Variants in SHISAL2A observed in about 807,000 individuals in gnomAD.
The protein encoded by SHISAL2A is protein shisa-like-2A.
A neutral mutation model predicts 11.5 loss-of-function variants in SHISAL2A; 18 were observed. The observed-to-expected ratio is 1.57, with a 90% CI of 1.08 to 2.33. The LOEUF (loss-of-function observed/expected upper bound fraction) is 2.33. SHISAL2A is among the 30% of genes most tolerant of loss of function. The probability of loss-of-function intolerance (pLI) is 0.00; values close to 1 mark genes in which losing one functional copy is unlikely to be tolerated. For synonymous variants in SHISAL2A, 94 were observed against 99.6 expected (o/e 0.94, Z 0.34); for missense variants, 261 against 250.9 (o/e 1.04, Z -0.27).
At chr1:52,646,529 A>ACACACACACAC (rs575189993) in intron 2 of SHISAL2A, among the ~76,000 whole-genome samples, 1 of 146,394 alleles carries the variant, frequency 6.8e-6, no homozygotes, top group Non-Finnish European at 1.5e-5. Flanking sequence ...ACACACACAC[A>ACACACACACAC]ATTAGTCCTC....
chr1:52,642,950 C>A lies in SHISAL2A; in HGVS notation c.270C>A (p.Ile90=), dbSNP rs961642705. The A allele has an allele frequency of 2.5e-6, 4 of 1,614,060 alleles. No homozygotes were observed. The highest frequency in any genetic ancestry group is 3.3e-5 in the Admixed American group (2 of 60,000). The change falls in exon 2 of 3, where the codon ATC becomes ATA. Residue 90 remains isoleucine (I), a synonymous_variant. Transcript: ENST00000517870. The stretch of plus-strand genomic sequence containing the variant: ...CCTGTGTGCTCTGCTACCTGTTCAT[C>A]AGCTCTAAGCCCCACACAAAGTTGG... ...VTACVLCYLF[I]SSKPHTKLDL...
At chr1:52,635,602 A>T (rs1212085843) in intron 1 of SHISAL2A, among the ~76,000 whole-genome samples, 1 of 152,088 alleles carries the variant, frequency 6.6e-6, no homozygotes, top group African/African-American at 2.4e-5. Context: ...GGTCTGAAAG[A>T]TACCTCAAAC....
downstream of SHISAL2A, among the ~76,000 whole-genome samples, chr1:52,660,047 T>C (rs1031828796): frequency 2.6e-5 from 4 of 152,184 alleles, no homozygotes; most frequent in Non-Finnish European, 4.4e-5. Context: ...AGTGTCTGAC[T>C]CAGTAGGTCA....
chr1:52,665,553 A>G (rs566436144), intron 4 of SHISAL2A, among the ~76,000 whole-genome samples: 12 of 152,128 alleles, frequency 7.9e-5, no homozygotes, highest in Non-Finnish European at 1.3e-4. Context: ...GCCTCATTGT[A>G]TGCATTATCC....
In SHISAL2A at chr1:52,645,396, C is replaced by CGTTTTGTTTTGTTTTGTTTT. The variant is rs56655042; in HGVS notation, c.322+2404_322+2423dup. ...AGACCAGAGACAACTGAGGCTTCAA[C>CGTTTTGTTTTGTTTTGTTTT]GTTTTGTTTTGTTTTGTTTTGTTTT... On this transcript the variant is annotated intron_variant, in intron 2 of 2. Coordinates refer to ENST00000517870, the MANE Select transcript of SHISAL2A (RefSeq NM_001042693.3). Among the ~76,000 whole-genome samples, 1,298 of 150,282 alleles carry CGTTTTGTTTTGTTTTGTTTT rather than the reference C, an allele frequency of 8.6e-3. 15 individuals carry two copies. The highest frequency in any genetic ancestry group is 0.024 in the African/African-American group (984 of 40,980).
rs150258123 is a variant in SHISAL2A, at chr1:52,634,610, A to C, written c.182+935A>C. On this transcript the variant is annotated intron_variant, in intron 1 of 2. Coordinates refer to ENST00000517870, the MANE Select transcript of SHISAL2A (RefSeq NM_001042693.3). ...TTGGCTTGAGAGGGTAATAGGTCTC[A>C]ATCCCCCTGGGTCTCCAAAGGCCTT... Among the ~76,000 whole-genome samples, 8 of 152,314 alleles carry C rather than the reference A, an allele frequency of 5.3e-5. No individual in the cohort carries two copies. The East Asian group carries it at 1.5e-3, about 29-fold the overall frequency.
At chr1:52,659,794 C>A (rs1291308267), downstream of SHISAL2A, among the ~76,000 whole-genome samples, 1 of 152,214 alleles carries the variant, frequency 6.6e-6, no homozygotes, top group African/African-American at 2.4e-5. Flanking sequence ...TCCTTGGTAT[C>A]CTCATCAGAA....
chr1:52,647,943 G>A (rs1013299276), intron 2 of SHISAL2A, among the ~76,000 whole-genome samples: 2 of 150,764 alleles, frequency 1.3e-5, no homozygotes, highest in Non-Finnish European at 3.0e-5. Flanking sequence ...AAGTGAGAAG[G>A]TTGGAAGGTT....
intron 1 of SHISAL2A, among the ~76,000 whole-genome samples, chr1:52,638,076 T>C (rs771944910): frequency 8.5e-5 from 13 of 152,202 alleles, no homozygotes; most frequent in Non-Finnish European, 1.8e-4. Context: ...GCACAGATTT[T>C]CCTTCTTTGG....
chr1:52,640,292 A>G (rs531621745), intron 1 of SHISAL2A, among the ~76,000 whole-genome samples: 1 of 152,290 alleles, frequency 6.6e-6, no homozygotes, highest in East Asian at 1.9e-4. Context: ...AGAGTCAGGG[A>G]AGAAAATGGG....
In SHISAL2A at chr1:52,643,015, C is replaced by A; in HGVS notation, c.322+13C>A. ...TTACAGACAGCAGGTAAGGAAGTTG[C>A]CAGGTGATGTCCTTGTATTCGGTAG... On this transcript the variant is annotated intron_variant, in intron 2 of 2. Transcript: ENST00000517870. 1 of 1,613,582 alleles carries A rather than the reference C, an allele frequency of 6.2e-7. No homozygotes were observed. The highest frequency in any genetic ancestry group is 8.5e-7 in the Non-Finnish European group (1 of 1,179,714).
At chr1:52,636,064 A>C (rs1435842381) in intron 1 of SHISAL2A, among the ~76,000 whole-genome samples, 1 of 152,288 alleles carries the variant, frequency 6.6e-6, no homozygotes, top group Non-Finnish European at 1.5e-5. Flanking sequence ...CTCTGAAATA[A>C]GATGGCACTG....
At chr1:52,636,497 T>A (rs1042303230) in intron 1 of SHISAL2A, among the ~76,000 whole-genome samples, 1 of 152,248 alleles carries the variant, frequency 6.6e-6, no homozygotes, top group Non-Finnish European at 1.5e-5. Context: ...TTGTAAGAAC[T>A]AAGAGAAATA....
At chr1:52,653,747 C>CTT (rs199999114) in intron 2 of SHISAL2A, among the ~76,000 whole-genome samples, 1 of 150,840 alleles carries the variant, frequency 6.6e-6, no homozygotes, top group African/African-American at 2.4e-5. Context: ...GCAACCCGCC[C>CTT]TTTTTTTTTG....
intron 2 of SHISAL2A, among the ~76,000 whole-genome samples, chr1:52,643,675 A>G (rs1691422945): frequency 1.3e-5 from 2 of 152,330 alleles, no homozygotes; most frequent in South Asian, 4.1e-4. Flanking sequence ...CAACATGGTG[A>G]AACCCTGTCT....
chr1:52,642,559 G>A (rs1314155026), intron 1 of SHISAL2A, among the ~76,000 whole-genome samples: 1 of 151,840 alleles, frequency 6.6e-6, no homozygotes, highest in Admixed American at 6.6e-5. Flanking sequence ...CCGAGTAGGT[G>A]AGATTACAGA....
At chr1:52,656,275 A>G (rs1248055560) in intron 2 of SHISAL2A, among the ~76,000 whole-genome samples, 1 of 152,216 alleles carries the variant, frequency 6.6e-6, no homozygotes, top group African/African-American at 2.4e-5. Context: ...GGGGCAGAAC[A>G]AAGTAAGTTG....
At chr1:52,657,184 C>T, downstream of SHISAL2A, 8 of 1,176,932 alleles carry the variant, frequency 6.8e-6, no homozygotes, top group East Asian at 2.4e-5. Context: ...CCCTGCCATA[C>T]TGTTCTGCTT....
downstream of SHISAL2A, among the ~76,000 whole-genome samples, chr1:52,661,491 G>A (rs1223627195): frequency 1.3e-5 from 2 of 152,192 alleles, no homozygotes; most frequent in Non-Finnish European, 2.9e-5. Context: ...TTGGCTCAGG[G>A]GCCAGGGCAC....
Sources: allele counts gnomAD v4.1 joint callset (sites outside exome capture counted in the v4.1 genomes callset), GRCh38; gene constraint gnomAD v4.1.1; transcripts MANE v1.5; gene names NCBI Gene and HGNC (gene_info 2026-07-23, HGNC 2026-07-21).